Variants in IQCM observed in about 807,000 individuals in gnomAD.
IQCM encodes the protein IQ domain-containing protein M.
Under a neutral mutation model 57.6 loss-of-function variants are expected in IQCM, and 45 were observed. The ratio of observed to expected loss-of-function variants is 0.78; its 90% CI spans 0.62 to 1.00. The LOEUF (loss-of-function observed/expected upper bound fraction) is 1.00, where lower values mean the gene tolerates loss of function less well. IQCM is among the 50% of genes least tolerant of loss of function. IQCM has a pLI of 0.00. For missense variants in IQCM, 468 were observed against 511.6 expected (o/e 0.91, Z 0.82); for synonymous variants, 148 against 158.9 (o/e 0.93, Z 0.51).
chr4:149,358,016 T>G (rs1283625790), intron 13 of IQCM, among the ~76,000 whole-genome samples: 1 of 152,322 alleles, frequency 6.6e-6, no homozygotes, highest in South Asian at 2.1e-4. Flanking sequence ...CTTCTAGATT[T>G]TCTAGTTTAT....
At chr4:149,496,153 T>C (rs990641159) in intron 12 of IQCM, among the ~76,000 whole-genome samples, 14 of 151,788 alleles carry the variant, frequency 9.2e-5, no homozygotes, top group African/African-American at 3.4e-4. Context: ...AGTAGGAGAG[T>C]ATGGGGGTGA....
At chr4:149,591,413 G>T (rs1190059540) in intron 8 of IQCM, among the ~76,000 whole-genome samples, 4 of 150,808 alleles carry the variant, frequency 2.7e-5, no homozygotes, top group Non-Finnish European at 4.4e-5. Flanking sequence ...ATTTATAATT[G>T]GCCTATTATG....
chr4:149,590,609 G>A (rs935766565), intron 8 of IQCM, among the ~76,000 whole-genome samples: 1 of 151,576 alleles, frequency 6.6e-6, no homozygotes, highest in East Asian at 2.0e-4. Flanking sequence ...CTAGCCCCTT[G>A]CCTGCCAACA....
intron 8 of IQCM, among the ~76,000 whole-genome samples, chr4:149,618,257 C>T (rs1161913946): frequency 6.6e-6 from 1 of 152,062 alleles, no homozygotes; most frequent in Admixed American, 6.6e-5. Flanking sequence ...GGGAAAAGGA[C>T]ACCCTATTCA....
At chr4:149,592,668 C>G (rs538555155) in intron 8 of IQCM, among the ~76,000 whole-genome samples, 77 of 142,422 alleles carry the variant, frequency 5.4e-4, no homozygotes, top group Admixed American at 1.0e-3. Flanking sequence ...TTTCAGCTTT[C>G]TACATAGGCT....
At chr4:149,508,855 G>A (rs532640302) in intron 12 of IQCM, among the ~76,000 whole-genome samples, 33 of 152,272 alleles carry the variant, frequency 2.2e-4, no homozygotes, top group African/African-American at 7.9e-4. Context: ...CCCACATTGT[G>A]GGAAAGACCC....
intron 8 of IQCM, among the ~76,000 whole-genome samples, chr4:149,619,131 T>TATATATATATATATATATATACAC (rs1491165190): frequency 5.6e-5 from 8 of 142,050 alleles, no homozygotes; most frequent in African/African-American, 2.2e-4. Flanking sequence ...TATATATATA[T>TATATATATATATATATATATACAC]ACACCATGGA....
At chr4:149,575,868 TG>T (rs5862887) in intron 9 of IQCM, among the ~76,000 whole-genome samples, 1 of 636 alleles carries the variant, frequency 1.6e-3, no homozygotes, top group East Asian at 0.5. Flanking sequence ...TCCAGGCGCA[TG>T]ATATCATGTC....
chr4:149,643,722 C>T (rs963570907), intron 7 of IQCM, among the ~76,000 whole-genome samples: 2 of 151,580 alleles, frequency 1.3e-5, no homozygotes, highest in Admixed American at 1.3e-4. Flanking sequence ...GCTTGTCAGT[C>T]AGGACAAGCC....
chr4:149,619,107 G>GATATATATATAT (rs70965194), intron 8 of IQCM, among the ~76,000 whole-genome samples: 1,992 of 126,426 alleles, frequency 0.016, 28 homozygotes, highest in East Asian at 0.02. Flanking sequence ...ATGTGGGATG[G>GATATATATATAT]ATATATATAT....
rs78163755 is a variant in IQCM at position 149,354,507 on chromosome 4, G to C, written c.1391-2441C>G. ...ATCCTAATTTACGACAGTTATACTA[G>C]AAAAGCATGAGATATGCATTCTAGT... On this transcript the variant is annotated intron_variant, in intron 13 of 13. Transcript: ENST00000636793. Among the ~76,000 whole-genome samples, 676 of 151,132 alleles carry C rather than the reference G, an allele frequency of 4.5e-3. 6 individuals are homozygous for C. Among genetic ancestry groups the C allele is most frequent in the African/African-American group, 0.016 (646 of 41,160 alleles).
rs941555238 is a variant in IQCM, at chr4:149,815,371, T to C, written c.-86-23A>G. On this transcript the variant is annotated intron_variant, in intron 1 of 13. Coordinates refer to ENST00000636793, the MANE Select transcript of IQCM (RefSeq NM_001363507.2). ...TTCCTAGAAGGCACAGGAGAGTTCA[T>C]TGAAAATATGCTCACAGCTTGTAAA... The C allele has an allele frequency of 7.2e-5, 11 of 152,048 alleles. No individual in the cohort carries two copies. The East Asian group carries it at 7.7e-4, about 11-fold the overall frequency. The allele number at this position is 152,048 out of a possible 1,614,324, so 9.4% of individuals were successfully genotyped here. A position where few individuals can be genotyped will look rare whatever the true frequency, so the allele number is the denominator to read the frequency against.
intron 12 of IQCM, among the ~76,000 whole-genome samples, chr4:149,486,683 T>C (rs917753662): frequency 2.6e-5 from 4 of 151,976 alleles, no homozygotes; most frequent in African/African-American, 9.7e-5. Flanking sequence ...GAGGTGGAGG[T>C]TGCAGTGAGC....
chr4:149,763,672 G>C (rs886236932), intron 2 of IQCM, among the ~76,000 whole-genome samples: 7 of 152,110 alleles, frequency 4.6e-5, no homozygotes, highest in African/African-American at 1.7e-4. Flanking sequence ...ACTGGGGTTT[G>C]GGGAGAGCCA....
Position 149,368,854 on chromosome 4 carries a change from A to ACG in IQCM, c.1391-16789_1391-16788insCG, listed in dbSNP as rs1491499127. Among the ~76,000 whole-genome samples the ACG allele has an allele frequency of 2.0e-3, 88 of 44,568 alleles. 10 individuals carry two copies. Among genetic ancestry groups the ACG allele is most frequent in the Non-Finnish European group, 2.7e-3 (59 of 21,604 alleles). 29.2% of individuals were successfully genotyped at this position (44,568 alleles called of 152,430 possible). On this transcript the variant is annotated intron_variant, in intron 13 of 13. Coordinates refer to ENST00000636793, the MANE Select transcript of IQCM (RefSeq NM_001363507.2). ...CATGTATATATATACATATATATAC[A>ACG]TGTATATATATACATATATACACGT...
chr4:149,632,919 T>C (rs1757394611), intron 7 of IQCM, among the ~76,000 whole-genome samples: 1 of 150,908 alleles, frequency 6.6e-6, no homozygotes. Flanking sequence ...CCCAGCACTT[T>C]GGGAGGCCGA....
chr4:149,459,851 G>T (rs1229368665), intron 12 of IQCM, among the ~76,000 whole-genome samples: 10 of 152,100 alleles, frequency 6.6e-5, no homozygotes, highest in Admixed American at 6.6e-4. Flanking sequence ...AGACATTTTA[G>T]CTACTGTGAA....
At chr4:149,514,025 G>A (rs1744695627) in intron 12 of IQCM, among the ~76,000 whole-genome samples, 1 of 151,998 alleles carries the variant, frequency 6.6e-6, no homozygotes, top group Admixed American at 6.5e-5. Context: ...TTTGTTTTAT[G>A]TGTCACTCAA....
At chr4:149,537,393 G>A (rs916242398) in intron 12 of IQCM, among the ~76,000 whole-genome samples, 2 of 151,714 alleles carry the variant, frequency 1.3e-5, no homozygotes, top group Non-Finnish European at 2.9e-5. Context: ...TGAATTTGAA[G>A]GCAGATTAAT....
Sources: gnomAD v4.1 joint callset for allele counts (sites outside exome capture counted in the v4.1 genomes callset) on GRCh38, gnomAD v4.1.1 for gene constraint, MANE v1.5 for transcripts, NCBI Gene and HGNC (gene_info 2026-07-23, HGNC 2026-07-21) for gene names.